Variants in TNRC6A observed in about 807,000 individuals in gnomAD.
The protein encoded by TNRC6A is trinucleotide repeat containing adaptor 6A, also known as trinucleotide repeat-containing gene 6A protein.
Under a neutral mutation model 221.2 loss-of-function variants are expected in TNRC6A, and 44 were observed. The ratio of observed to expected loss-of-function variants is 0.20; its 90% CI spans 0.16 to 0.26. The LOEUF (loss-of-function observed/expected upper bound fraction) is 0.26, where lower values mean the gene tolerates loss of function less well. TNRC6A is among the 10% of genes least tolerant of loss of function. TNRC6A has a pLI of 1.00. For missense variants in TNRC6A, 2,199 were observed against 2,404.4 expected (o/e 0.91, Z 1.79); for synonymous variants, 847 against 838.5 (o/e 1.01, Z -0.18).
intron 5 of TNRC6A, among the ~76,000 whole-genome samples, chr16:24,779,396 A>T (rs763318264): frequency 6.6e-6 from 1 of 152,184 alleles, no homozygotes; most frequent in Non-Finnish European, 1.5e-5. Context: ...AAAATTTATG[A>T]ATCCCCACTT....
chr16:24,735,510 T>C (rs1484687146), intron 2 of TNRC6A, among the ~76,000 whole-genome samples: 1 of 152,254 alleles, frequency 6.6e-6, no homozygotes, highest in African/African-American at 2.4e-5. Flanking sequence ...TTTGCTCATT[T>C]TTAATGTACC....
chr16:24,730,052 C>G (rs2056587392), intron 1 of TNRC6A, among the ~76,000 whole-genome samples: 1 of 148,558 alleles, frequency 6.7e-6, no homozygotes, highest in South Asian at 2.1e-4. Flanking sequence ...GGGGGCCAGG[C>G]CGGGGTTGCG....
Position 24,820,356 on chromosome 16 carries a change from C to T in TNRC6A, c.5298C>T (p.Thr1766=), listed in dbSNP as rs2152107095. ...GGWGNSDARY[T]PGSSWGESSS... is the part of the protein sequence containing the mutation. Reference sequence around the variant, plus strand: ...GGGGAAATTCTGACGCCAGATATACCCCAGGTAAGATGCAGTCGTAAGGTG... The same window carrying T: ...GGGGAAATTCTGACGCCAGATATACTCCAGGTAAGATGCAGTCGTAAGGTG... Residue 1766 remains threonine, a synonymous_variant, in exon 22 of 25, where the codon ACC becomes ACT. Coordinates refer to ENST00000395799, the MANE Select transcript of TNRC6A (RefSeq NM_014494.4). The T allele has an allele frequency of 6.2e-7, 1 of 1,613,976 alleles. No individual in the cohort carries two copies. The highest frequency in any genetic ancestry group is 8.5e-7 in the Non-Finnish European group (1 of 1,179,884).
At chr16:24,666,093 G>A (rs1447134073) in intron 2 of TNRC6A, among the ~76,000 whole-genome samples, 1 of 152,112 alleles carries the variant, frequency 6.6e-6, no homozygotes, top group African/African-American at 2.4e-5. Flanking sequence ...TTGGGAGGCT[G>A]AGGTGGAAGG....
At position 24,817,018 on chromosome 16, in the gene TNRC6A, G is replaced by GTAGT. The variant is rs2058670955; in HGVS notation, c.4972+63_4972+66dup. 5 of 1,523,542 alleles carry GTAGT rather than the reference G, an allele frequency of 3.3e-6. No individual in the cohort carries two copies. The East Asian group carries it at 1.2e-4, about 36-fold the overall frequency. The allele number at this position is 1,523,542 out of a possible 1,614,324, so 94.4% of individuals were successfully genotyped here. A position where few individuals can be genotyped will look rare whatever the true frequency, so the allele number is the denominator to read the frequency against. ...TTAACACAGTTTAAGAATGGCTCAT[G>GTAGT]TAGTACCCAGCTACTCTGGGCGACT... On this transcript the variant is annotated intron_variant, in intron 20 of 24. Transcript: ENST00000395799.
chr16:24,650,690 A>G (rs181574604), intron 2 of TNRC6A, among the ~76,000 whole-genome samples: 7 of 152,130 alleles, frequency 4.6e-5, no homozygotes, highest in East Asian at 3.9e-4. Flanking sequence ...AAGAAAGAAA[A>G]AAAGGATTCA....
chr16:24,700,527 G>A (rs139847655), intron 2 of TNRC6A, among the ~76,000 whole-genome samples: 9 of 152,150 alleles, frequency 5.9e-5, no homozygotes, highest in South Asian at 2.1e-4. Flanking sequence ...ATGAGCCACC[G>A]TGCCCAGCCT....
At chr16:24,742,674 C>G (rs183916966) in intron 2 of TNRC6A, among the ~76,000 whole-genome samples, 128 of 152,328 alleles carry the variant, frequency 8.4e-4, no homozygotes, top group African/African-American at 2.9e-3. Context: ...GTAATCCCAG[C>G]ACTTTAGGAG....
chr16:24,702,085 A>C (rs1390128684), intron 2 of TNRC6A, among the ~76,000 whole-genome samples: 1 of 74,704 alleles, frequency 1.3e-5, no homozygotes. Flanking sequence ...TGTAAACTCT[A>C]TTTTCTTTTC....
intron 2 of TNRC6A, among the ~76,000 whole-genome samples, chr16:24,738,507 T>C (rs1596579125): frequency 6.6e-6 from 1 of 152,244 alleles, no homozygotes; most frequent in African/African-American, 2.4e-5. Flanking sequence ...TATAACTCTA[T>C]GGACTTACCT....
chr16:24,643,542 T>C (rs1418611727), intron 2 of TNRC6A, among the ~76,000 whole-genome samples: 3 of 152,162 alleles, frequency 2.0e-5, no homozygotes, highest in Non-Finnish European at 4.4e-5. Context: ...CGCTCTATTT[T>C]CTTCCATCTT....
rs544925968 is a variant in TNRC6A, at chr16:24,710,632, A to G, written n.403-40094A>G. On this transcript the variant is annotated intron_variant and non_coding_transcript_variant, in intron 2 of 2. Transcript: ENST00000566108. ...TGATGACATTCACTTTGATCACTCA[A>G]TTAGGGTGGTATCTGTTTTTCCTTT... Among the ~76,000 whole-genome samples the G allele has an allele frequency of 1.1e-4, 16 of 152,250 alleles. No individual in the cohort carries two copies. In the East Asian group the frequency reaches 2.1e-3, roughly 20 times the overall value.
chr16:24,639,957 C>T (rs566218485), intron 1 of TNRC6A, among the ~76,000 whole-genome samples: 4 of 152,268 alleles, frequency 2.6e-5, no homozygotes, highest in African/African-American at 9.6e-5. Flanking sequence ...GCACTTGGCC[C>T]AGTCACTGTT....
intron 2 of TNRC6A, among the ~76,000 whole-genome samples, chr16:24,720,598 G>A (rs1021336431): frequency 2.0e-5 from 3 of 150,968 alleles, no homozygotes; most frequent in Non-Finnish European, 4.4e-5. Context: ...GGCTGAGGCA[G>A]GAGAATCACT....
intron 2 of TNRC6A, among the ~76,000 whole-genome samples, chr16:24,718,070 G>A (rs987683139): frequency 6.6e-6 from 1 of 151,982 alleles, no homozygotes; most frequent in Non-Finnish European, 1.5e-5. Context: ...GTGCCCCCAC[G>A]GCCTGCCTGT....
At chr16:24,610,240 T>C (rs1369047634) in exon 1 of TNRC6A, 1 of 152,310 alleles carries the variant, frequency 6.6e-6, no homozygotes, top group Non-Finnish European at 1.5e-5. Flanking sequence ...GGAGGCGGCA[T>C]GTGACTCCCA....
At chr16:24,794,753 T>TAA in intron 8 of TNRC6A, 34 bp downstream of exon 8, 1 of 1,574,042 alleles carries the variant, frequency 6.4e-7, no homozygotes, top group Non-Finnish European at 8.6e-7. Flanking sequence ...CTTGAAACTT[T>TAA]AAATTCCAAA....
intron 4 of TNRC6A, among the ~76,000 whole-genome samples, chr16:24,764,989 A>G (rs2057442362): frequency 6.6e-6 from 1 of 152,200 alleles, no homozygotes; most frequent in African/African-American, 2.4e-5. Flanking sequence ...CCCTCTCTCA[A>G]AATACTTTAT....
chr16:24,782,638 G>A (rs888429528), intron 5 of TNRC6A, among the ~76,000 whole-genome samples: 1 of 152,182 alleles, frequency 6.6e-6, no homozygotes, highest in African/African-American at 2.4e-5. Context: ...AGTGCTTTGG[G>A]AGGCTGAGGT....
Sources: gnomAD v4.1 joint callset for allele counts (sites outside exome capture counted in the v4.1 genomes callset) on GRCh38, gnomAD v4.1.1 for gene constraint, MANE v1.5 for transcripts, NCBI Gene and HGNC (gene_info 2026-07-23, HGNC 2026-07-21) for gene names.